PPP2R2C: variants seen among roughly 807,000 people sequenced by gnomAD.
PPP2R2C encodes protein phosphatase 2 regulatory subunit Bgamma.
In PPP2R2C, 10 loss-of-function variants were observed where a neutral mutation model predicts 45.3. That is an observed-to-expected ratio of 0.22 (90% CI 0.14 to 0.37). The LOEUF (loss-of-function observed/expected upper bound fraction) is 0.37, where lower values mean the gene tolerates loss of function less well. Ranked by LOEUF, PPP2R2C falls within the 10% of genes least tolerant of loss-of-function variation. The probability of loss-of-function intolerance (pLI) is 1.00; values close to 1 mark genes in which losing one functional copy is unlikely to be tolerated. For synonymous variants in PPP2R2C, 257 were observed against 245.4 expected, an observed-to-expected ratio of 1.05 and a Z score of -0.44; for missense variants, 308 against 619.7, an observed-to-expected ratio of 0.50 and a Z score of 5.34.
intron 7 of PPP2R2C, among the ~76,000 whole-genome samples, chr4:6,333,114 A>C (rs1396412402): frequency 6.6e-6 from 1 of 152,222 alleles, no homozygotes; most frequent in African/African-American, 2.4e-5. Flanking sequence ...AGGATCTGGA[A>C]AGGAAACATG....
chr4:6,396,058 TAC>T (rs1717009602), intron 1 of PPP2R2C, among the ~76,000 whole-genome samples: 1 of 152,162 alleles, frequency 6.6e-6, no homozygotes, highest in African/African-American at 2.4e-5. Context: ...ACAGGAGCAT[TAC>T]ACACAGTGTG....
intron 3 of PPP2R2C, among the ~76,000 whole-genome samples, chr4:6,376,805 C>T (rs534014407): frequency 2.0e-5 from 3 of 152,076 alleles, no homozygotes; most frequent in Non-Finnish European, 1.5e-5. Flanking sequence ...GGGGACAGGA[C>T]GAGGCTCCTG....
intron 1 of PPP2R2C, among the ~76,000 whole-genome samples, chr4:6,444,265 G>A (rs1287006936): frequency 6.6e-6 from 1 of 152,198 alleles, no homozygotes; most frequent in Non-Finnish European, 1.5e-5. Flanking sequence ...ATTACAGGAG[G>A]TCTGCTCCCG....
At chr4:6,370,011 A>T (rs1004848728) in intron 5 of PPP2R2C, among the ~76,000 whole-genome samples, 2 of 152,208 alleles carry the variant, frequency 1.3e-5, no homozygotes, top group African/African-American at 4.8e-5. Context: ...GGGTTTCGGC[A>T]TCCATAGTGT....
intron 1 of PPP2R2C, among the ~76,000 whole-genome samples, chr4:6,434,261 T>C (rs1297944267): frequency 6.6e-6 from 1 of 152,218 alleles, no homozygotes; most frequent in African/African-American, 2.4e-5. Flanking sequence ...TCCCCTGTGA[T>C]GGCCATTACA....
At chr4:6,447,272 T>A (rs1720476012) in intron 1 of PPP2R2C, among the ~76,000 whole-genome samples, 1 of 152,110 alleles carries the variant, frequency 6.6e-6, no homozygotes, top group African/African-American at 2.4e-5. Flanking sequence ...AGAAGGTCCC[T>A]CGCACCCTTC....
At position 6,448,055 on chromosome 4, in the gene PPP2R2C, G is replaced by C. The variant is rs548136418; in HGVS notation, c.70+24105C>G. 1.2e-4 allele frequency among the ~76,000 whole-genome samples: 19 copies of C among 152,232 alleles called. No individual in the cohort carries two copies. The South Asian group carries it at 3.9e-3, about 32-fold the overall frequency. On this transcript the variant is annotated intron_variant, in intron 1 of 8. Coordinates refer to ENST00000382599, the MANE Select transcript of PPP2R2C (RefSeq NM_020416.4). ...CCCCCGTGGGAGCCGCACTACGACC[G>C]GGGGATGCACAGCTGGCAAATGAGA...
chr4:6,457,341 C>T (rs1721098191), intron 1 of PPP2R2C, among the ~76,000 whole-genome samples: 1 of 151,732 alleles, frequency 6.6e-6, no homozygotes, highest in Non-Finnish European at 1.5e-5. Context: ...CTTTTATGGA[C>T]AGTTACAAAT....
At chr4:6,543,834 C>T (rs938372982) in intron 1 of PPP2R2C, among the ~76,000 whole-genome samples, 1 of 152,196 alleles carries the variant, frequency 6.6e-6, no homozygotes, top group African/African-American at 2.4e-5. Context: ...ACCTAAGATA[C>T]AGCCCCAAGC....
chr4:6,444,375 C>G (rs944560370), intron 1 of PPP2R2C, among the ~76,000 whole-genome samples: 4 of 148,464 alleles, frequency 2.7e-5, no homozygotes, highest in African/African-American at 1.0e-4. Flanking sequence ...TTTTCTTATT[C>G]AGTCTTCCTG....
intron 6 of PPP2R2C, among the ~76,000 whole-genome samples, chr4:6,337,177 G>C: frequency 1.5e-5 from 1 of 65,744 alleles, no homozygotes; most frequent in South Asian, 6.8e-4. Context: ...GTTTTTCTTT[G>C]TTAAGCCAAA....
chr4:6,343,461 T>C (rs1186220350), intron 6 of PPP2R2C, among the ~76,000 whole-genome samples: 1 of 152,182 alleles, frequency 6.6e-6, no homozygotes, highest in Non-Finnish European at 1.5e-5. Flanking sequence ...TTTCTTCTCT[T>C]GGCCTGGTAT....
rs115966911 is a variant in PPP2R2C at position 6,542,361 on chromosome 4, G to C, written c.-58-6984C>G. On this transcript the variant is annotated intron_variant, in intron 1 of 9. Transcript: ENST00000506140. ...CCAACAACATTAACTAAGGAAGAATGCATTTGACAGGACAGAACACATTAC... is the reference window on the plus strand; with the variant it reads ...CCAACAACATTAACTAAGGAAGAATCCATTTGACAGGACAGAACACATTAC... 4.7e-3 allele frequency among the ~76,000 whole-genome samples: 718 copies of C among 152,324 alleles called. 8 individuals carry two copies. Among genetic ancestry groups the C allele is most frequent in the African/African-American group, 0.017 (691 of 41,570 alleles).
chr4:6,461,385 A>C (rs1721312826), intron 1 of PPP2R2C, among the ~76,000 whole-genome samples: 2 of 152,180 alleles, frequency 1.3e-5, no homozygotes, highest in Admixed American at 1.3e-4. Flanking sequence ...CAGAGTAGCC[A>C]CTGGGCTGCC....
intron 1 of PPP2R2C, chr4:6,383,236 C>G (rs1200427850): frequency 1.7e-6 from 2 of 1,188,584 alleles, no homozygotes; most frequent in African/African-American, 3.9e-5. Context: ...TGCAGAAGAA[C>G]CCCCCCAACC....
intron 1 of PPP2R2C, among the ~76,000 whole-genome samples, chr4:6,559,954 C>A (rs1187849498): frequency 6.6e-6 from 1 of 152,264 alleles, no homozygotes; most frequent in Non-Finnish European, 1.5e-5. Flanking sequence ...AGATTTCAGG[C>A]CATTTCATCC....
chr4:6,478,560 C>T (rs1202444472), intron 2 of PPP2R2C, among the ~76,000 whole-genome samples: 1 of 152,210 alleles, frequency 6.6e-6, no homozygotes, highest in East Asian at 1.9e-4. Flanking sequence ...GAGAAACACG[C>T]ATGTGATATG....
intron 1 of PPP2R2C, among the ~76,000 whole-genome samples, chr4:6,543,898 G>T (rs973820729): frequency 6.6e-6 from 1 of 152,158 alleles, no homozygotes; most frequent in Non-Finnish European, 1.5e-5. Context: ...TCTGCTCTCC[G>T]TAACACCCAT....
chr4:6,384,393 G>C lies in PPP2R2C; in HGVS notation c.71-3299C>G, dbSNP rs114174438. ...GAAGAGAATTCTCCAAAATGTGAAC[G>C]GAGGTAGCTTTAGGGTAGCTGGAAC... is the stretch of plus-strand genomic sequence containing the variant. On this transcript the variant is annotated intron_variant, in intron 1 of 8. Transcript: ENST00000382599. 2,668 of 985,166 alleles carry C rather than the reference G, an allele frequency of 2.7e-3. 21 individuals are homozygous for C. Among genetic ancestry groups the C allele is most frequent in the Middle Eastern group, 0.026 (50 of 1,914 alleles). 61.0% of individuals were successfully genotyped at this position (985,166 alleles called of 1,614,324 possible).
Sources: gnomAD v4.1 joint callset for allele counts (sites outside exome capture counted in the v4.1 genomes callset) on GRCh38, gnomAD v4.1.1 for gene constraint, MANE v1.5 for transcripts, NCBI Gene and HGNC (gene_info 2026-07-23, HGNC 2026-07-21) for gene names.